SPHKAP: variants seen among roughly 807,000 people sequenced by gnomAD.
The protein encoded by SPHKAP is SPHK1 interactor, AKAP domain containing.
A neutral mutation model predicts 137.5 loss-of-function variants in SPHKAP; 67 were observed. The observed-to-expected ratio is 0.49, with a 90% CI of 0.40 to 0.60. The LOEUF is 0.60. Among genes scored for constraint, SPHKAP ranks in the 20% least tolerant of loss-of-function variants. SPHKAP has a pLI of 0.00. For missense variants in SPHKAP, 2,097 were observed against 2,069.3 expected, an observed-to-expected ratio of 1.01 and a Z score of -0.26; for synonymous variants, 813 against 785.3, an observed-to-expected ratio of 1.04 and a Z score of -0.59.
intron 3 of SPHKAP, among the ~76,000 whole-genome samples, chr2:228,064,591 G>A (rs1049441886): frequency 6.6e-6 from 1 of 152,132 alleles, no homozygotes; most frequent in Non-Finnish European, 1.5e-5. Context: ...AGTCATTTAC[G>A]TTACCTTTCT....
chr2:228,031,944 G>A (rs2106240185), intron 3 of SPHKAP, among the ~76,000 whole-genome samples: 1 of 152,282 alleles, frequency 6.6e-6, no homozygotes, highest in African/African-American at 2.4e-5. Flanking sequence ...AAAAACAGCA[G>A]AAAAACTGGA....
intron 9 of SPHKAP, among the ~76,000 whole-genome samples, chr2:227,992,419 A>T (rs1693449937): frequency 6.6e-6 from 1 of 152,220 alleles, no homozygotes. Context: ...TTGGAGCTGC[A>T]GGATGCTGAC....
chr2:228,169,426 C>A (rs746902428), intron 1 of SPHKAP, among the ~76,000 whole-genome samples: 2 of 152,048 alleles, frequency 1.3e-5, no homozygotes, highest in South Asian at 4.1e-4. Flanking sequence ...TTCCAAAAAT[C>A]CTAGGGCCCT....
intron 3 of SPHKAP, among the ~76,000 whole-genome samples, chr2:228,037,009 T>G (rs945669703): frequency 6.6e-6 from 1 of 152,106 alleles, no homozygotes. Context: ...ATTGTGCGCA[T>G]GTACCCTAAA....
chr2:228,180,474 C>T (rs1238706242), intron 1 of SPHKAP, among the ~76,000 whole-genome samples: 4 of 152,072 alleles, frequency 2.6e-5, no homozygotes, highest in Non-Finnish European at 4.4e-5. Context: ...TTGCTGCTCT[C>T]CAAGAATCCG....
At chr2:228,132,214 T>C (rs1210428061) in intron 1 of SPHKAP, 129 bp from the exon 2 acceptor site, 3 of 769,908 alleles carry the variant, frequency 3.9e-6, no homozygotes, top group African/African-American at 1.7e-5. Flanking sequence ...ACACTGCAAA[T>C]CCCCCTGCTG....
At chr2:228,001,414 TATAA>T (rs1693872824) in intron 7 of SPHKAP, among the ~76,000 whole-genome samples, 1 of 141,166 alleles carries the variant, frequency 7.1e-6, no homozygotes, top group Non-Finnish European at 1.5e-5. Flanking sequence ...CATAAATATA[TATAA>T]ATATATACAT....
At chr2:228,066,606 C>T (rs903716850) in intron 3 of SPHKAP, among the ~76,000 whole-genome samples, 4 of 152,200 alleles carry the variant, frequency 2.6e-5, no homozygotes, top group East Asian at 3.9e-4. Context: ...CCTGAGCCCC[C>T]GGCTGCGTGG....
intron 7 of SPHKAP, among the ~76,000 whole-genome samples, chr2:227,996,470 GT>G (rs1693644485): frequency 6.6e-6 from 1 of 152,038 alleles, no homozygotes. Context: ...TTTCCTTTAA[GT>G]GTAGCTATAG....
intron 3 of SPHKAP, among the ~76,000 whole-genome samples, chr2:228,091,604 T>G (rs1257079888): frequency 6.6e-6 from 1 of 151,954 alleles, no homozygotes; most frequent in Admixed American, 6.6e-5. Flanking sequence ...AAAAGTGTGC[T>G]AAGGACATAA....
intron 1 of SPHKAP, among the ~76,000 whole-genome samples, chr2:228,141,662 C>T (rs960633994): frequency 5.3e-5 from 8 of 152,004 alleles, no homozygotes; most frequent in African/African-American, 1.9e-4. Context: ...TCCAAGAGAA[C>T]ACAGAATTTA....
chr2:228,063,440 T>C (rs149726949), intron 3 of SPHKAP, among the ~76,000 whole-genome samples: 123 of 152,330 alleles, frequency 8.1e-4, no homozygotes, highest in African/African-American at 2.6e-3. Flanking sequence ...GTTGATGCTA[T>C]GGTTGGTGTT....
chr2:227,989,961 G>T (rs1693356018), intron 11 of SPHKAP, among the ~76,000 whole-genome samples: 1 of 152,072 alleles, frequency 6.6e-6, no homozygotes, highest in Non-Finnish European at 1.5e-5. Context: ...CTGGCTGGTG[G>T]CTGAAGGTAT....
chr2:228,113,208 A>G (rs963635999), intron 2 of SPHKAP, among the ~76,000 whole-genome samples: 2 of 152,188 alleles, frequency 1.3e-5, no homozygotes, highest in Admixed American at 1.3e-4. Flanking sequence ...AAATTTCATT[A>G]ACATTTAGAT....
chr2:228,126,263 G>A (rs1429502314), intron 2 of SPHKAP, among the ~76,000 whole-genome samples: 1 of 152,064 alleles, frequency 6.6e-6, no homozygotes, highest in East Asian at 1.9e-4. Context: ...AAATCATGTT[G>A]CATATGTTAA....
intron 11 of SPHKAP, among the ~76,000 whole-genome samples, chr2:227,987,857 A>C (rs942622486): frequency 6.6e-6 from 1 of 152,196 alleles, no homozygotes; most frequent in South Asian, 2.1e-4. Flanking sequence ...ACATAGACTA[A>C]TTAGCCCAAA....
chr2:228,048,007 C>A (rs965686764), intron 3 of SPHKAP, among the ~76,000 whole-genome samples: 1 of 152,110 alleles, frequency 6.6e-6, no homozygotes, highest in African/African-American at 2.4e-5. Context: ...TGATAAGATT[C>A]TGTGCTTTCC....
At chr2:228,156,284 C>T (rs917743128) in intron 1 of SPHKAP, among the ~76,000 whole-genome samples, 1 of 152,142 alleles carries the variant, frequency 6.6e-6, no homozygotes, top group African/African-American at 2.4e-5. Context: ...AATTCTTCTC[C>T]ACTGTAGATG....
At chr2:228,079,797 G>A (rs944664770) in intron 3 of SPHKAP, among the ~76,000 whole-genome samples, 1 of 152,114 alleles carries the variant, frequency 6.6e-6, no homozygotes, top group African/African-American at 2.4e-5. Flanking sequence ...CACCCCAGTG[G>A]ATCCTGGCCT....
Sources: allele counts gnomAD v4.1 joint callset (sites outside exome capture counted in the v4.1 genomes callset), GRCh38; gene constraint gnomAD v4.1.1; transcripts MANE v1.5; gene names NCBI Gene and HGNC (gene_info 2026-07-23, HGNC 2026-07-21).